The following FOXC2 variants were observed in gnomAD, a reference collection of about 807,000 sequenced individuals.
FOXC2 encodes forkhead box protein C2.
Under a neutral mutation model 7.2 loss-of-function variants are expected in FOXC2, and 7 were observed. The observed-to-expected ratio is 0.97, with a 90% CI of 0.55 to 1.81. FOXC2 has a LOEUF of 1.81. FOXC2 is among the 40% of genes most tolerant of loss of function. FOXC2 has a pLI of 0.00. For synonymous variants in FOXC2, 436 were observed against 350.4 expected (o/e 1.24, Z -2.73); for missense variants, 846 against 741.2 (o/e 1.14, Z -1.64).
In FOXC2 at chr16:86,567,623, C is replaced by T. The variant is rs1172035836; in HGVS notation, c.288C>T (p.Asn96=). 9 of 1,614,002 alleles carry T rather than the reference C, an allele frequency of 5.6e-6. No individual in the cohort carries two copies. The highest frequency in any genetic ancestry group is 1.7e-5 in the Admixed American group (1 of 60,006). The change falls in exon 1 of 1, where the codon AAC becomes AAT. Residue 96 remains asparagine (N), a synonymous_variant. Transcript: ENST00000649859. ...CGCCCGAGAAGAAGATCACCTTGAA[C>T]GGCATCTACCAGTTCATCATGGACC... ...QNAPEKKITL[N]GIYQFIMDRF... is the part of the protein sequence containing the mutation.
In FOXC2 at chr16:86,568,958, C is replaced by T. The variant is rs1399466895; in HGVS notation, c.*117C>T. The T allele has an allele frequency of 8.9e-6, 12 of 1,345,454 alleles. No individual in the cohort carries two copies. The highest frequency in any genetic ancestry group is 5.0e-5 in the East Asian group (2 of 39,870). 83.3% of individuals were successfully genotyped at this position (1,345,454 alleles called of 1,614,324 possible). Reference sequence around the variant, plus strand: ...AAAGAAACAAAACATGTCCACCAACCTTTTCTCAGACCCGGGAGCAGAGAG... The same window carrying T: ...AAAGAAACAAAACATGTCCACCAACTTTTTCTCAGACCCGGGAGCAGAGAG... On this transcript the variant is annotated 3_prime_UTR_variant, in exon 1 of 1. Coordinates refer to ENST00000649859, the MANE Select transcript of FOXC2 (RefSeq NM_005251.3). This position sits in a 1 kb window ranked among gnomAD's most constrained non-coding sequence, Gnocchi z 5.2.
chr16:86,567,691 G>A lies in FOXC2; in HGVS notation c.356G>A (p.Ser119Asn). 1 of 1,614,196 alleles carries A rather than the reference G, an allele frequency of 6.2e-7. No individual in the cohort carries two copies. The highest frequency in any genetic ancestry group is 8.5e-7 in the Non-Finnish European group (1 of 1,180,040). ...YRENKQGWQN[S>N]IRHNLSLNEC... ...GAGAACAAGCAGGGCTGGCAGAACA[G>A]CATCCGCCACAACCTCTCGCTCAAC... The change falls in exon 1 of 1, where the codon AGC (serine) becomes AAC (asparagine). Residue 119 changes from serine to asparagine, a missense_variant. Physicochemically the swap from Ser to Asn is conservative, Grantham distance 46. This residue lies in a region of FOXC2 where 52 missense variants were observed against 103.8 expected (regional missense o/e 0.50). Coordinates refer to ENST00000649859, the MANE Select transcript of FOXC2 (RefSeq NM_005251.3).
rs1243565980 is a variant in FOXC2 at position 86,569,544 on chromosome 16, T to TC, written c.*704dup. The TC allele has an allele frequency of 6.0e-6, 1 of 166,498 alleles. No individual in the cohort carries two copies. The highest frequency in any genetic ancestry group is 1.5e-5 in the Non-Finnish European group (1 of 68,212). The allele number at this position is 166,498 out of a possible 1,614,324, so 10.3% of individuals were successfully genotyped here. ...ATTTTTTTGTTGGTGGATAAAGAAG[T>TC]CAAGTATCTGATACTTTTTATTTAC... On this transcript the variant is annotated 3_prime_UTR_variant, in exon 1 of 1. Transcript: ENST00000649859.
In FOXC2 at chr16:86,567,244, GCT is replaced by G; in HGVS notation, c.-86_-85del. ...CCCGCTCCCCTCCTCTCCCCCTCTG[GCT>G]CTCTCGCGCTCTCTCGCTCTCAGGG... On this transcript the variant is annotated 5_prime_UTR_variant, in exon 1 of 1. Coordinates refer to ENST00000649859, the MANE Select transcript of FOXC2 (RefSeq NM_005251.3). 1 of 1,450,388 alleles carries G rather than the reference GCT, an allele frequency of 6.9e-7. No individual in the cohort carries two copies. The highest frequency in any genetic ancestry group is 9.5e-7 in the Non-Finnish European group (1 of 1,054,262). 89.8% of individuals were successfully genotyped at this position (1,450,388 alleles called of 1,614,324 possible).
Position 86,569,069 on chromosome 16 carries a change from C to T in FOXC2, c.*228C>T. 1 of 617,660 alleles carries T rather than the reference C, an allele frequency of 1.6e-6. No individual in the cohort carries two copies. The highest frequency in any genetic ancestry group is 2.9e-6 in the Non-Finnish European group (1 of 341,022). The allele number at this position is 617,660 out of a possible 1,614,324, so 38.3% of individuals were successfully genotyped here. ...TTTCTGGGATCCCAGGAAACCCCTC[C>T]AAAGGGACGCAGCCCAACAAAATGA... is the stretch of plus-strand genomic sequence containing the variant. On this transcript the variant is annotated 3_prime_UTR_variant, in exon 1 of 1. Transcript: ENST00000649859.
Position 86,569,072 on chromosome 16 carries a change from A to G in FOXC2, c.*231A>G. 1.6e-6 allele frequency: 1 copy of G among 612,792 alleles called. No individual in the cohort carries two copies. The highest frequency in any genetic ancestry group is 3.0e-6 in the Non-Finnish European group (1 of 337,552). 38.0% of individuals were successfully genotyped at this position (612,792 alleles called of 1,614,324 possible). ...CTGGGATCCCAGGAAACCCCTCCAA[A>G]GGGACGCAGCCCAACAAAATGAGTA... On this transcript the variant is annotated 3_prime_UTR_variant, in exon 1 of 1. Coordinates refer to ENST00000649859, the MANE Select transcript of FOXC2 (RefSeq NM_005251.3).
Position 86,568,294 on chromosome 16 carries a change from G to T in FOXC2, c.959G>T (p.Gly320Val). 7.9e-7 allele frequency: 1 copy of T among 1,263,938 alleles called. No homozygotes were observed. The highest frequency in any genetic ancestry group is 1.5e-5 in the African/African-American group (1 of 64,520). The allele number at this position is 1,263,938 out of a possible 1,614,324, so 78.3% of individuals were successfully genotyped here. A position where few individuals can be genotyped will look rare whatever the true frequency, so the allele number is the denominator to read the frequency against. Residue 320 changes from glycine to valine, a missense_variant, in exon 1 of 1, where the codon GGC (glycine) becomes GTC (valine). Gly to Val is a moderately radical substitution (Grantham distance 109, BLOSUM62 -3). Coordinates refer to ENST00000649859, the MANE Select transcript of FOXC2 (RefSeq NM_005251.3). This position sits in a 1 kb window ranked among gnomAD's most constrained non-coding sequence, Gnocchi z 5.2. ...GCCTACGGCCAGCCGTGCGCTCAGGGCCTGGAGGCCGGGGCCGCCGGGGGC... is the reference window on the plus strand; with the variant it reads ...GCCTACGGCCAGCCGTGCGCTCAGGTCCTGGAGGCCGGGGCCGCCGGGGGC... ...PAAYGQPCAQGLEAGAAGGYQ... is the reference protein window; with the variant it reads ...PAAYGQPCAQVLEAGAAGGYQ...
chr16:86,567,653 C>T lies in FOXC2; in HGVS notation c.318C>T (p.Phe106=), dbSNP rs920777360. 1.9e-6 allele frequency: 3 copies of T among 1,614,174 alleles called. No individual in the cohort carries two copies. The highest frequency in any genetic ancestry group is 3.3e-5 in the Admixed American group (2 of 60,026). ...TCTACCAGTTCATCATGGACCGCTTCCCCTTCTACCGGGAGAACAAGCAGG... is the reference window on the plus strand; with the variant it reads ...TCTACCAGTTCATCATGGACCGCTTTCCCTTCTACCGGGAGAACAAGCAGG... The part of the protein sequence containing the change: ...NGIYQFIMDR[F]PFYRENKQGW... Residue 106 remains phenylalanine (F), a synonymous_variant, in exon 1 of 1, where the codon TTC becomes TTT. Coordinates refer to ENST00000649859, the MANE Select transcript of FOXC2 (RefSeq NM_005251.3).
Position 86,568,228 on chromosome 16 carries a change from T to TGCC in FOXC2, c.899_901dup (p.Pro300dup). ...GGGGCCGGACGCGCGGGCCTGGTGG[T>TGCC]GCCGCCGCTGGCGCTGCCCTACGCC... On this transcript the variant is annotated inframe_insertion, in exon 1 of 1. Transcript: ENST00000649859. This position sits in a 1 kb window ranked among gnomAD's most constrained non-coding sequence, Gnocchi z 5.2. The TGCC allele has an allele frequency of 3.1e-6, 4 of 1,275,540 alleles. No homozygotes were observed. The South Asian group carries it at 1.1e-4, about 35-fold the overall frequency. 79.0% of individuals were successfully genotyped at this position (1,275,540 alleles called of 1,614,324 possible). A position where few individuals can be genotyped will look rare whatever the true frequency, so the allele number is the denominator to read the frequency against.
rs1974225333 is a variant in FOXC2, at chr16:86,568,099, C to T, written c.764C>T (p.Ser255Leu). 2.9e-6 allele frequency: 4 copies of T among 1,403,074 alleles called. No homozygotes were observed. Among genetic ancestry groups the T allele is most frequent in the Non-Finnish European group, 3.7e-6 (4 of 1,086,528 alleles). 86.9% of individuals were successfully genotyped at this position (1,403,074 alleles called of 1,614,324 possible). Residue 255 changes from serine to leucine, a missense_variant, in exon 1 of 1, where the codon TCG becomes TTG. This residue lies in a region of FOXC2 where 640 missense variants were observed against 503.2 expected (regional missense o/e 1.27). Coordinates refer to ENST00000649859, the MANE Select transcript of FOXC2 (RefSeq NM_005251.3). This position sits in a 1 kb window ranked among gnomAD's most constrained non-coding sequence, Gnocchi z 5.2. ...ASTPAGSPDG[S>L]LPEHHAAAPN... ...ACGCCCGCCGGCTCCCCCGACGGCT[C>T]GCTGCCGGAGCACCACGCCGCGGCG...
rs1441486669 is a variant in FOXC2, at chr16:86,568,205, G to C, written c.870G>C (p.Gly290=). ...TSPPGGELSP[G]AGRAGLVVPP... is the part of the protein sequence containing the mutation. ...CGCCGGGCGGAGAGCTGAGCCCGGGGGCCGGACGCGCGGGCCTGGTGGTGC... is the reference window on the plus strand; with the variant it reads ...CGCCGGGCGGAGAGCTGAGCCCGGGCGCCGGACGCGCGGGCCTGGTGGTGC... The change falls in exon 1 of 1, where the codon GGG becomes GGC. Residue 290 remains glycine (G), a synonymous_variant. Coordinates refer to ENST00000649859, the MANE Select transcript of FOXC2 (RefSeq NM_005251.3). The surrounding 1 kb of genome is among the most constrained non-coding windows in gnomAD (Gnocchi z 5.2). The C allele has an allele frequency of 6.3e-6, 8 of 1,277,768 alleles. No homozygotes were observed. The highest frequency in any genetic ancestry group is 1.6e-5 in the African/African-American group (1 of 64,054). 79.2% of individuals were successfully genotyped at this position (1,277,768 alleles called of 1,614,324 possible). A position where few individuals can be genotyped will look rare whatever the true frequency, so the allele number is the denominator to read the frequency against.
At position 86,568,229 on chromosome 16, in the gene FOXC2, G is replaced by A. The variant is rs367759818; in HGVS notation, c.894G>A (p.Val298=). 57 of 1,274,658 alleles carry A rather than the reference G, an allele frequency of 4.5e-5. No individual in the cohort carries two copies. In the East Asian group the frequency reaches 5.3e-4, roughly 12 times the overall value. The allele number at this position is 1,274,658 out of a possible 1,614,324, so 79.0% of individuals were successfully genotyped here. A position where few individuals can be genotyped will look rare whatever the true frequency, so the allele number is the denominator to read the frequency against. The change falls in exon 1 of 1, where the codon GTG becomes GTA. Residue 298 remains valine, a synonymous_variant. Coordinates refer to ENST00000649859, the MANE Select transcript of FOXC2 (RefSeq NM_005251.3). This position sits in a 1 kb window ranked among gnomAD's most constrained non-coding sequence, Gnocchi z 5.2. The part of the protein sequence containing the change: ...SPGAGRAGLV[V]PPLALPYAAA... ...GGGCCGGACGCGCGGGCCTGGTGGTGCCGCCGCTGGCGCTGCCCTACGCCG... is the reference window on the plus strand; with the variant it reads ...GGGCCGGACGCGCGGGCCTGGTGGTACCGCCGCTGGCGCTGCCCTACGCCG...
In FOXC2 at chr16:86,567,756, G is replaced by T. The variant is rs1202926077; in HGVS notation, c.421G>T (p.Gly141Cys). The T allele has an allele frequency of 6.2e-7, 1 of 1,614,064 alleles. No homozygotes were observed. The highest frequency in any genetic ancestry group is 1.3e-5 in the African/African-American group (1 of 74,938). The change falls in exon 1 of 1, where the codon GGC becomes TGC. Residue 141 changes from glycine to cysteine, a missense_variant. Around this residue, in one of 3 missense-constraint regions of FOXC2, gnomAD observed 52 missense variants for 103.8 expected, o/e 0.50. Transcript: ENST00000649859. ...GGTGCCCCGCGACGACAAGAAGCCC[G>T]GCAAGGGCAGTTACTGGACCCTGGA... ...VKVPRDDKKP[G>C]KGSYWTLDPD...
In FOXC2 at chr16:86,567,770, C is replaced by T. The variant is rs79452610; in HGVS notation, c.435C>T (p.Tyr145=). 1.5e-3 allele frequency: 2,477 copies of T among 1,614,160 alleles called. 30 individuals are homozygous for T. The African/African-American group carries it at 0.027, about 18-fold the overall frequency. ...ACAAGAAGCCCGGCAAGGGCAGTTA[C>T]TGGACCCTGGACCCGGACTCCTACA... is the stretch of plus-strand genomic sequence containing the variant. The part of the protein sequence containing the change: ...RDDKKPGKGS[Y]WTLDPDSYNM... The change falls in exon 1 of 1, where the codon TAC becomes TAT. Residue 145 remains tyrosine, a synonymous_variant. Coordinates refer to ENST00000649859, the MANE Select transcript of FOXC2 (RefSeq NM_005251.3).
In FOXC2 at chr16:86,568,977, C is replaced by G. The variant is rs1409698773; in HGVS notation, c.*136C>G. ...ACCAACCTTTTCTCAGACCCGGGAG[C>G]AGAGAGCGGGCACGCTAGCCCCCAG... On this transcript the variant is annotated 3_prime_UTR_variant, in exon 1 of 1. Transcript: ENST00000649859. The surrounding 1 kb of genome is among the most constrained non-coding windows in gnomAD (Gnocchi z 5.2). The G allele has an allele frequency of 8.3e-7, 1 of 1,208,146 alleles. No individual in the cohort carries two copies. Among genetic ancestry groups the G allele is most frequent in the African/African-American group, 1.5e-5 (1 of 66,470 alleles). 74.8% of individuals were successfully genotyped at this position (1,208,146 alleles called of 1,614,324 possible). A position where few individuals can be genotyped will look rare whatever the true frequency, so the allele number is the denominator to read the frequency against.
rs746609885 is a variant in FOXC2, at chr16:86,569,041, C to G, written c.*200C>G. 2.9e-4 allele frequency: 197 copies of G among 678,318 alleles called. No individual in the cohort carries two copies. Among genetic ancestry groups the G allele is most frequent in the Non-Finnish European group, 4.0e-4 (158 of 392,664 alleles). The allele number at this position is 678,318 out of a possible 1,614,324, so 42.0% of individuals were successfully genotyped here. Reference sequence around the variant, plus strand: ...GCGCAGGTAACTTTAATTCGCCGCCCCGTTTCTGGGATCCCAGGAAACCCC... The same window carrying G: ...GCGCAGGTAACTTTAATTCGCCGCCGCGTTTCTGGGATCCCAGGAAACCCC... On this transcript the variant is annotated 3_prime_UTR_variant, in exon 1 of 1. Transcript: ENST00000649859.
rs994776958 is a variant in FOXC2, at chr16:86,568,972, G to A, written c.*131G>A. 4.0e-6 allele frequency: 5 copies of A among 1,255,274 alleles called. No homozygotes were observed. Among genetic ancestry groups the A allele is most frequent in the South Asian group, 2.6e-5 (2 of 76,082 alleles). 77.8% of individuals were successfully genotyped at this position (1,255,274 alleles called of 1,614,324 possible). ...TGTCCACCAACCTTTTCTCAGACCCGGGAGCAGAGAGCGGGCACGCTAGCC... is the reference window on the plus strand; with the variant it reads ...TGTCCACCAACCTTTTCTCAGACCCAGGAGCAGAGAGCGGGCACGCTAGCC... On this transcript the variant is annotated 3_prime_UTR_variant, in exon 1 of 1. Coordinates refer to ENST00000649859, the MANE Select transcript of FOXC2 (RefSeq NM_005251.3). The surrounding 1 kb of genome is among the most constrained non-coding windows in gnomAD (Gnocchi z 5.2).
In FOXC2 at chr16:86,568,052, C is replaced by G. The variant is rs1370639564; in HGVS notation, c.717C>G (p.Gly239=). ...TGAGCCCCGAGAGCGCGCTGCAGGGCAGCCCGCGCAGCGCGGCCTCCACGC... is the reference window on the plus strand; with the variant it reads ...TGAGCCCCGAGAGCGCGCTGCAGGGGAGCCCGCGCAGCGCGGCCTCCACGC... ...ETLSPESALQ[G]SPRSAASTPA... The change falls in exon 1 of 1, where the codon GGC becomes GGG. Residue 239 remains glycine (G), a synonymous_variant. Transcript: ENST00000649859. The surrounding 1 kb of genome is among the most constrained non-coding windows in gnomAD (Gnocchi z 5.2). 1.4e-6 allele frequency: 2 copies of G among 1,453,742 alleles called. No homozygotes were observed. Among genetic ancestry groups the G allele is most frequent in the South Asian group, 1.4e-5 (1 of 71,744 alleles). The allele number at this position is 1,453,742 out of a possible 1,614,324, so 90.1% of individuals were successfully genotyped here. A position where few individuals can be genotyped will look rare whatever the true frequency, so the allele number is the denominator to read the frequency against.
In FOXC2 at chr16:86,567,228, C is replaced by T. The variant is rs951049443; in HGVS notation, c.-108C>T. ...GCCCGGGGCCGCCCCTCCCGCTCCC[C>T]TCCTCTCCCCCTCTGGCTCTCTCGC... On this transcript the variant is annotated 5_prime_UTR_variant, in exon 1 of 1. Coordinates refer to ENST00000649859, the MANE Select transcript of FOXC2 (RefSeq NM_005251.3). The T allele has an allele frequency of 4.8e-4, 648 of 1,341,272 alleles. 2 individuals are homozygous for T. Among genetic ancestry groups the T allele is most frequent in the South Asian group, 3.3e-4 (26 of 77,918 alleles). 83.1% of individuals were successfully genotyped at this position (1,341,272 alleles called of 1,614,324 possible).
Sources: gnomAD v4.1 joint callset for allele counts on GRCh38, gnomAD v4.1.1 for gene constraint, gnomAD v4.1.1 regional missense constraint, Gnocchi (gnomAD v3.1) non-coding constraint, MANE v1.5 for transcripts, NCBI Gene and HGNC (gene_info 2026-07-23, HGNC 2026-07-21) for gene names.